TNPO1: variants seen among roughly 807,000 people sequenced by gnomAD.
The protein encoded by TNPO1 is transportin-1.
TNPO1 carries 8 observed loss-of-function variants against 119.5 expected under a neutral mutation model. The observed-to-expected ratio is 0.07, with a 90% CI of 0.04 to 0.12. The LOEUF (loss-of-function observed/expected upper bound fraction) is 0.12, where lower values mean the gene tolerates loss of function less well. TNPO1 is among the 10% of genes least tolerant of loss of function. The pLI is 1.00. For synonymous variants in TNPO1, 362 were observed against 363.0 expected, an observed-to-expected ratio of 1.00 and a Z score of 0.03; for missense variants, 576 against 1,089.8, an observed-to-expected ratio of 0.53 and a Z score of 6.64.
chr5:72,865,805 T>A (rs1364359986), intron 6 of TNPO1, 76 bp downstream of exon 6: 1 of 1,419,760 alleles, frequency 7.0e-7, no homozygotes, highest in Non-Finnish European at 9.5e-7. Context: ...TTACCTAATA[T>A]TTTTGACATT....
intron 4 of TNPO1, among the ~76,000 whole-genome samples, chr5:72,860,598 C>G (rs574656528): frequency 6.6e-6 from 1 of 152,194 alleles, no homozygotes; most frequent in Non-Finnish European, 1.5e-5. Flanking sequence ...CACCCAGCCT[C>G]GAAGATCGCC....
intron 2 of TNPO1, among the ~76,000 whole-genome samples, chr5:72,849,230 T>C (rs1271755299): frequency 2.6e-5 from 4 of 152,196 alleles, no homozygotes; most frequent in African/African-American, 9.6e-5. Flanking sequence ...GTAGTGATCC[T>C]GTTGCTACGG....
chr5:72,892,170 G>GAT lies in TNPO1; in HGVS notation c.1788+287_1788+288dup, dbSNP rs145658536. ...CATACTGGGAGGATATATATACCGG[G>GAT]ATATATATATATATCTTTTCACTCA... On this transcript the variant is annotated intron_variant, in intron 15 of 24. Coordinates refer to ENST00000337273, the MANE Select transcript of TNPO1 (RefSeq NM_002270.4). Among the ~76,000 whole-genome samples the GAT allele has an allele frequency of 7.7e-4, 116 of 150,770 alleles. 2 individuals are homozygous for GAT. Among genetic ancestry groups the GAT allele is most frequent in the African/African-American group, 2.2e-3 (89 of 41,106 alleles).
At chr5:72,876,016 C>CTT (rs1278318136) in intron 8 of TNPO1, among the ~76,000 whole-genome samples, 1 of 152,058 alleles carries the variant, frequency 6.6e-6, no homozygotes, top group Non-Finnish European at 1.5e-5. Context: ...AGGTTGCAGT[C>CTT]TAAGATCTGT....
chr5:72,868,267 C>G (rs1039379165), intron 6 of TNPO1, among the ~76,000 whole-genome samples: 1 of 151,756 alleles, frequency 6.6e-6, no homozygotes, highest in Non-Finnish European at 1.5e-5. Context: ...CCCGCCTCTG[C>G]TAAAAATACA....
At chr5:72,903,561 C>G in intron 22 of TNPO1, 148 bp from the exon 23 acceptor site, 2 of 588,468 alleles carry the variant, frequency 3.4e-6, no homozygotes, top group Non-Finnish European at 5.9e-6. Context: ...GTAATCTCTT[C>G]TAATTCCTTA....
chr5:72,875,337 T>G (rs1747680276), intron 7 of TNPO1, among the ~76,000 whole-genome samples: 3 of 152,206 alleles, frequency 2.0e-5, no homozygotes, highest in Non-Finnish European at 4.4e-5. Context: ...AAACAAATGC[T>G]CCTATGTCCT....
chr5:72,850,825 A>T (rs1745489425), intron 2 of TNPO1, among the ~76,000 whole-genome samples: 1 of 152,196 alleles, frequency 6.6e-6, no homozygotes, highest in Non-Finnish European at 1.5e-5. Flanking sequence ...AAGTTATTCT[A>T]TAAAGTTAAT....
At chr5:72,890,753 TAA>T (rs1748988756) in intron 14 of TNPO1, among the ~76,000 whole-genome samples, 1 of 152,188 alleles carries the variant, frequency 6.6e-6, no homozygotes, top group South Asian at 2.1e-4. Flanking sequence ...TAAATGATTT[TAA>T]GTTTGTTTTT....
At chr5:72,860,103 C>T (rs1184047207) in intron 4 of TNPO1, among the ~76,000 whole-genome samples, 1 of 152,084 alleles carries the variant, frequency 6.6e-6, no homozygotes, top group African/African-American at 2.4e-5. Context: ...GGGAGCTTTA[C>T]TTTCTAGATT....
intron 6 of TNPO1, among the ~76,000 whole-genome samples, chr5:72,870,452 G>C (rs961022518): frequency 6.6e-6 from 1 of 151,984 alleles, no homozygotes; most frequent in Non-Finnish European, 1.5e-5. Context: ...GTGAGCCACC[G>C]TGCCCAGCCA....
At chr5:72,882,076 G>T (rs1172681006) in intron 9 of TNPO1, among the ~76,000 whole-genome samples, 1 of 152,152 alleles carries the variant, frequency 6.6e-6, no homozygotes, top group Non-Finnish European at 1.5e-5. Context: ...AACTGTTAGT[G>T]ATCCAGATAC....
intron 4 of TNPO1, among the ~76,000 whole-genome samples, chr5:72,860,826 A>G (rs769449888): frequency 1.3e-5 from 2 of 152,180 alleles, no homozygotes; most frequent in Non-Finnish European, 2.9e-5. Context: ...ATTTGAACCT[A>G]ACAGACTCAT....
chr5:72,840,117 A>G (rs1248128383), intron 1 of TNPO1, among the ~76,000 whole-genome samples: 5 of 152,126 alleles, frequency 3.3e-5, no homozygotes, highest in Non-Finnish European at 5.9e-5. Flanking sequence ...AAAGAGTTGT[A>G]TAACGCAGAC....
Position 72,887,159 on chromosome 5 carries a change from C to T in TNPO1, c.1240C>T (p.Leu414Phe). Residue 414 changes from leucine (L) to phenylalanine (F), a missense_variant, in exon 12 of 25, where the codon CTT (leucine) becomes TTT (phenylalanine). Around this residue, in one of 6 missense-constraint regions of TNPO1, gnomAD observed 310 missense variants for 583.0 expected, o/e 0.53. Coordinates refer to ENST00000337273, the MANE Select transcript of TNPO1 (RefSeq NM_002270.4). Reference protein sequence around the residue: ...PHILPLLKELLFHHEWVVKES... With the variant: ...PHILPLLKELFFHHEWVVKES... ...TATTTTGCCCCTTTTGAAAGAATTA[C>T]TTTTTCATCATGAATGGGTTGTTAA... 1 of 1,613,820 alleles carries T rather than the reference C, an allele frequency of 6.2e-7. No homozygotes were observed. The highest frequency in any genetic ancestry group is 8.5e-7 in the Non-Finnish European group (1 of 1,179,850).
intron 22 of TNPO1, among the ~76,000 whole-genome samples, chr5:72,902,913 TAC>T (rs576554409): frequency 1.3e-5 from 2 of 152,186 alleles, no homozygotes; most frequent in East Asian, 1.9e-4. Flanking sequence ...TAAATAAACA[TAC>T]ACACACTGTA....
At chr5:72,873,930 A>G (rs567093132) in intron 7 of TNPO1, among the ~76,000 whole-genome samples, 7 of 152,200 alleles carry the variant, frequency 4.6e-5, no homozygotes, top group Admixed American at 1.3e-4. Context: ...TTCTGTTGCA[A>G]TTATCCTGGT....
At chr5:72,863,750 A>C (rs190465952) in intron 5 of TNPO1, among the ~76,000 whole-genome samples, 1 of 152,236 alleles carries the variant, frequency 6.6e-6, no homozygotes, top group African/African-American at 2.4e-5. Context: ...AAAAAAAAAA[A>C]AAAAAAGGCT....
intron 14 of TNPO1, 125 bp downstream of exon 14, chr5:72,890,082 G>A (rs1748937989): frequency 3.8e-6 from 4 of 1,056,054 alleles, no homozygotes; most frequent in Admixed American, 2.6e-5. Flanking sequence ...GCTACTTTAA[G>A]AGTATAGATC....
Sources: allele counts gnomAD v4.1 joint callset (sites outside exome capture counted in the v4.1 genomes callset), GRCh38; gene constraint gnomAD v4.1.1; regional missense constraint gnomAD v4.1.1; transcripts MANE v1.5; gene names NCBI Gene and HGNC (gene_info 2026-07-23, HGNC 2026-07-21).